Variants in PPP1R3A observed in about 807,000 individuals in gnomAD.
The protein encoded by PPP1R3A is protein phosphatase 1 regulatory subunit 3A.
PPP1R3A carries 29 observed loss-of-function variants against 41.7 expected under a neutral mutation model. The observed-to-expected ratio is 0.70, with a 90% CI of 0.52 to 0.95. PPP1R3A has a LOEUF of 0.95. Among genes scored for constraint, PPP1R3A ranks in the 40% least tolerant of loss-of-function variants. PPP1R3A has a pLI of 0.00. For synonymous variants in PPP1R3A, 485 were observed against 453.4 expected, an observed-to-expected ratio of 1.07 and a Z score of -0.89; for missense variants, 1,352 against 1,292.4, an observed-to-expected ratio of 1.05 and a Z score of -0.71.
At chr7:113,883,032 G>A (rs979786816) in intron 1 of PPP1R3A, among the ~76,000 whole-genome samples, 30 of 151,796 alleles carry the variant, frequency 2.0e-4, no homozygotes, top group African/African-American at 7.0e-4. Flanking sequence ...AGCATACCCT[G>A]CATACTGATT....
At chr7:113,891,837 G>A (rs1002289276) in intron 1 of PPP1R3A, among the ~76,000 whole-genome samples, 5 of 151,858 alleles carry the variant, frequency 3.3e-5, no homozygotes, top group African/African-American at 1.2e-4. Flanking sequence ...CTTAAAAAAC[G>A]AGCAAAACCT....
intron 1 of PPP1R3A, among the ~76,000 whole-genome samples, chr7:113,891,377 C>G (rs112345689): frequency 2.6e-5 from 4 of 152,154 alleles, no homozygotes; most frequent in African/African-American, 9.6e-5. Context: ...AATTTGTATG[C>G]TGCTTCTTTT....
At chr7:113,900,244 G>T (rs1408246318) in intron 1 of PPP1R3A, among the ~76,000 whole-genome samples, 2 of 151,630 alleles carry the variant, frequency 1.3e-5, no homozygotes, top group Non-Finnish European at 3.0e-5. Flanking sequence ...TACTATAAAT[G>T]AAAGTACCAT....
chr7:113,898,084 G>T (rs1204407554), intron 1 of PPP1R3A, among the ~76,000 whole-genome samples: 1 of 151,688 alleles, frequency 6.6e-6, no homozygotes, highest in Non-Finnish European at 1.5e-5. Flanking sequence ...TATTGGATAT[G>T]ATACCAATTC....
intron 1 of PPP1R3A, among the ~76,000 whole-genome samples, chr7:113,910,682 C>T (rs549577660): frequency 4.3e-4 from 66 of 152,112 alleles, no homozygotes; most frequent in African/African-American, 1.4e-3. Flanking sequence ...ATCTTAGCAA[C>T]TCTATGTGAT....
Position 113,909,869 on chromosome 7 carries a change from CATT to C in PPP1R3A, c.782+8343_782+8345del, listed in dbSNP as rs1242079666. ...GTCATGGAACTTTTCTGATAGAACA[CATT>C]ATTGAAGAACATAATCTTCCCAAGA... On this transcript the variant is annotated intron_variant, in intron 1 of 3. Coordinates refer to ENST00000284601, the MANE Select transcript of PPP1R3A (RefSeq NM_002711.4). Among the ~76,000 whole-genome samples the C allele has an allele frequency of 2.0e-5, 3 of 152,104 alleles. No individual in the cohort carries two copies. In the South Asian group the frequency reaches 6.2e-4, roughly 31 times the overall value.
intron 1 of PPP1R3A, among the ~76,000 whole-genome samples, chr7:113,902,499 T>C (rs1443651811): frequency 6.6e-6 from 1 of 151,846 alleles, no homozygotes; most frequent in Non-Finnish European, 1.5e-5. Context: ...CAGAGTCAGC[T>C]TGCCTCTCTG....
chr7:113,880,214 T>A, intron 3 of PPP1R3A, 89 bp from the exon 4 acceptor site: 1 of 1,148,776 alleles, frequency 8.7e-7, no homozygotes, highest in Non-Finnish European at 1.2e-6. Context: ...ACTCGGCTAG[T>A]AATTATCTGG....
chr7:113,917,441 T>C (rs1301798615), intron 1 of PPP1R3A, among the ~76,000 whole-genome samples: 1 of 152,062 alleles, frequency 6.6e-6, no homozygotes, highest in African/African-American at 2.4e-5. Context: ...TTTTCTTATT[T>C]TTCACATTAA....
rs1796612689 is a variant in PPP1R3A at position 113,878,499 on chromosome 7, G to A, written c.2593C>T (p.Gln865Ter). ...YQKATSKLDL[Q>*]LGMLPTDKTV... Reference sequence around the variant, plus strand: ...TTGTCTGTTGGTAACATTCCCAACTGTAAATCCAGTTTTGAAGTTGCTTTT... The same window carrying A: ...TTGTCTGTTGGTAACATTCCCAACTATAAATCCAGTTTTGAAGTTGCTTTT... Residue 865 changes from glutamine to a stop codon, truncating the protein, a stop_gained, in exon 4 of 4, where the codon CAG becomes TAG. Transcript: ENST00000284601. LOFTEE classifies it low-confidence loss of function (END_TRUNC). 6.2e-7 allele frequency: 1 copy of A among 1,613,302 alleles called. No individual in the cohort carries two copies. The highest frequency in any genetic ancestry group is 8.5e-7 in the Non-Finnish European group (1 of 1,179,634).
intron 3 of PPP1R3A, among the ~76,000 whole-genome samples, chr7:113,880,532 T>A (rs1796673887): frequency 6.6e-6 from 1 of 152,066 alleles, no homozygotes; most frequent in Non-Finnish European, 1.5e-5. Context: ...ACAGTTTCTC[T>A]TATTAATATG....
chr7:113,878,920 T>C lies in PPP1R3A; in HGVS notation c.2172A>G (p.Lys724=), dbSNP rs1036837030. The change falls in exon 4 of 4, where the codon AAA becomes AAG. Residue 724 remains lysine, a synonymous_variant. Coordinates refer to ENST00000284601, the MANE Select transcript of PPP1R3A (RefSeq NM_002711.4). The stretch of plus-strand genomic sequence containing the variant: ...TTATATAGGCTGTACCAGCTTCTGC[T>C]TTCTCAGTAATGCCATGATCAGCTA... ...SSLADHGITE[K]AEAGTAYIIK... The C allele has an allele frequency of 6.2e-7, 1 of 1,613,144 alleles. No individual in the cohort carries two copies. The highest frequency in any genetic ancestry group is 8.5e-7 in the Non-Finnish European group (1 of 1,179,778).
At position 113,877,905 on chromosome 7, in the gene PPP1R3A, C is replaced by T; in HGVS notation, c.3187G>A (p.Gly1063Ser). The change falls in exon 4 of 4, where the codon GGC (glycine) becomes AGC (serine). Residue 1063 changes from glycine to serine, a missense_variant. Transcript: ENST00000284601. ...TATTTTGAAAACAAAGATTCGTTGCCTTGAGCTTGACTTTCCTCAACAGGA... is the reference window on the plus strand; with the variant it reads ...TATTTTGAAAACAAAGATTCGTTGCTTTGAGCTTGACTTTCCTCAACAGGA... ...SLPVEESQAQ[G>S]NESLFSKYTN... 1 of 1,613,108 alleles carries T rather than the reference C, an allele frequency of 6.2e-7. No homozygotes were observed. Among genetic ancestry groups the T allele is most frequent in the Non-Finnish European group, 8.5e-7 (1 of 1,179,394 alleles).
chr7:113,883,701 G>C (rs1796734678), intron 1 of PPP1R3A, among the ~76,000 whole-genome samples: 1 of 151,832 alleles, frequency 6.6e-6, no homozygotes, highest in African/African-American at 2.4e-5. Context: ...ATGTTTATGT[G>C]CTTAAAAATA....
At chr7:113,897,692 C>T (rs928762737) in intron 1 of PPP1R3A, among the ~76,000 whole-genome samples, 2 of 151,880 alleles carry the variant, frequency 1.3e-5, no homozygotes, top group African/African-American at 4.8e-5. Context: ...CTTATAAGTG[C>T]CAAGACAACT....
In PPP1R3A at chr7:113,882,100, C is replaced by T. The variant is rs756034773; in HGVS notation, c.905G>A (p.Arg302Gln). Residue 302 changes from arginine to glutamine, a missense_variant, in exon 3 of 4, where the codon CGA (arginine) becomes CAA (glutamine). Transcript: ENST00000284601. ...EDKEDLEASN[R>Q]NVKDVNREHD... ...TTCCCTGTTTACATCTTTTACATTT[C>T]GATTACTGGCTTCCAAATCTTCCTT... The T allele has an allele frequency of 1.4e-5, 22 of 1,611,746 alleles. 1 individual carries two copies. Among genetic ancestry groups the T allele is most frequent in the African/African-American group, 4.0e-5 (3 of 74,812 alleles).
Position 113,879,983 on chromosome 7 carries a change from A to G in PPP1R3A, c.1109T>C (p.Phe370Ser). 2 of 1,613,464 alleles carry G rather than the reference A, an allele frequency of 1.2e-6. No individual in the cohort carries two copies. The highest frequency in any genetic ancestry group is 1.7e-6 in the Non-Finnish European group (2 of 1,179,602). Reference sequence around the variant, plus strand: ...TGAACTTGGAGACAGAGACCTTTGGAACAAGTCAGTACATATTTCACCATG... The same window carrying G: ...TGAACTTGGAGACAGAGACCTTTGGGACAAGTCAGTACATATTTCACCATG... ...QIHGEICTDL[F>S]QRSLSPSSSA... The change falls in exon 4 of 4, where the codon TTC becomes TCC. Residue 370 changes from phenylalanine (F) to serine (S), a missense_variant. Physicochemically the swap from Phe to Ser is radical, Grantham distance 155 (BLOSUM62 -2). Coordinates refer to ENST00000284601, the MANE Select transcript of PPP1R3A (RefSeq NM_002711.4).
intron 1 of PPP1R3A, among the ~76,000 whole-genome samples, chr7:113,906,512 G>T (rs747791435): frequency 6.6e-6 from 1 of 151,618 alleles, no homozygotes; most frequent in Non-Finnish European, 1.5e-5. Context: ...GAAGAAATAG[G>T]ATTGGGGGAT....
chr7:113,913,974 C>T (rs1225660040), intron 1 of PPP1R3A, among the ~76,000 whole-genome samples: 1 of 152,048 alleles, frequency 6.6e-6, no homozygotes, highest in African/African-American at 2.4e-5. Context: ...ATCGATACTG[C>T]TGCCTAACAA....
Sources: gnomAD v4.1 joint callset for allele counts (sites outside exome capture counted in the v4.1 genomes callset) on GRCh38, gnomAD v4.1.1 for gene constraint, MANE v1.5 for transcripts, NCBI Gene and HGNC (gene_info 2026-07-23, HGNC 2026-07-21) for gene names.